The following NPM1 variants were observed in gnomAD, a reference collection of about 807,000 sequenced individuals.
NPM1 encodes nucleophosmin 1.
A neutral mutation model predicts 44.1 loss-of-function variants in NPM1; 1 was observed. The ratio of observed to expected loss-of-function variants is 0.02; its 90% CI spans 0.01 to 0.11. The LOEUF (loss-of-function observed/expected upper bound fraction) is 0.11, where lower values mean the gene tolerates loss of function less well. Among genes scored for constraint, NPM1 ranks in the 10% least tolerant of loss-of-function variants. NPM1 has a pLI of 1.00. For synonymous variants in NPM1, 126 were observed against 111.8 expected (o/e 1.13, Z -0.80); for missense variants, 197 against 347.8 (o/e 0.57, Z 3.45).
intron 2 of NPM1, among the ~76,000 whole-genome samples, chr5:171,390,701 T>C (rs1770527931): frequency 6.6e-6 from 1 of 150,544 alleles, no homozygotes; most frequent in South Asian, 2.1e-4. Flanking sequence ...AAGATTATTA[T>C]ACCTTATTTT....
chr5:171,394,041 C>CTTTTTTTTTTTTTT (rs144186175), intron 6 of NPM1, among the ~76,000 whole-genome samples: 12 of 97,072 alleles, frequency 1.2e-4, no homozygotes, highest in Non-Finnish European at 1.7e-4. Flanking sequence ...TTTTTGTTTT[C>CTTTTTTTTTTTTTT]TTTTTTTTTT....
At chr5:171,391,282 T>A (rs2113167321) in intron 2 of NPM1, 23 bp from the exon 3 acceptor site, 2 of 1,603,912 alleles carry the variant, frequency 1.2e-6, no homozygotes, top group Middle Eastern at 1.7e-4. Context: ...AAAGTTGAAG[T>A]AGTATTTTTT....
chr5:171,392,188 G>A (rs770126975), intron 4 of NPM1, among the ~76,000 whole-genome samples: 32 of 152,254 alleles, frequency 2.1e-4, no homozygotes, highest in African/African-American at 7.2e-4. Context: ...TGATCTGCAC[G>A]CCCTGGCCTC....
intron 10 of NPM1, among the ~76,000 whole-genome samples, chr5:171,409,279 G>A (rs572087454): frequency 6.6e-5 from 10 of 152,266 alleles, no homozygotes; most frequent in South Asian, 4.1e-4. Flanking sequence ...TGCAAGCAAC[G>A]ACAATGTATA....
At chr5:171,400,294 A>G (rs1260086233) in intron 7 of NPM1, 84 bp downstream of exon 7, 2 of 978,984 alleles carry the variant, frequency 2.0e-6, no homozygotes, top group Non-Finnish European at 2.8e-6. Context: ...TTTGTAGTTA[A>G]GGGAAGCTGG....
intron 4 of NPM1, among the ~76,000 whole-genome samples, 180 bp downstream of exon 4, chr5:171,391,979 T>C (rs1028538304): frequency 1.3e-5 from 2 of 151,568 alleles, no homozygotes; most frequent in African/African-American, 2.4e-5. Flanking sequence ...GAAATCTTGC[T>C]GTCACCCAGG....
chr5:171,395,802 G>C (rs1770849968), intron 6 of NPM1, among the ~76,000 whole-genome samples: 1 of 152,122 alleles, frequency 6.6e-6, no homozygotes. Context: ...GATGGAATGG[G>C]TATATGGTGT....
Position 171,387,894 on chromosome 5 carries a change from G to T in NPM1, c.-55G>T. ...TCCTGCGCGGTTGTTCTCTGGAGCA[G>T]CGTTCTTTTATCTCCGTCCGCCTTC... On this transcript the variant is annotated 5_prime_UTR_variant, in exon 1 of 11. Coordinates refer to ENST00000296930, the MANE Select transcript of NPM1 (RefSeq NM_002520.7). 1 of 1,547,934 alleles carries T rather than the reference G, an allele frequency of 6.5e-7. No homozygotes were observed. Among genetic ancestry groups the T allele is most frequent in the Non-Finnish European group, 8.9e-7 (1 of 1,121,920 alleles).
intron 6 of NPM1, among the ~76,000 whole-genome samples, chr5:171,397,949 G>A (rs553105700): frequency 6.8e-6 from 1 of 147,334 alleles, no homozygotes; most frequent in Non-Finnish European, 1.5e-5. Context: ...CCCCCACCAC[G>A]CCCGGCTAAT....
Position 171,407,700 on chromosome 5 carries a change from G to T in NPM1, c.772G>T (p.Gly258Cys). ...TGTAATAATGCTTTTGTCTTAATAG[G>T]GTGGTTCTCTTCCCAAAGTGGAAGC... ...KAKMQASIEK[G>C]GSLPKVEAKF... The change falls in exon 10 of 11, where the codon GGT (glycine) becomes TGT (cysteine). Residue 258 changes from glycine (G) to cysteine (C), a missense_variant and splice_region_variant. Physicochemically the swap from Gly to Cys is radical, Grantham distance 159. This residue lies in a region of NPM1 where 47 missense variants were observed against 106.5 expected (regional missense o/e 0.44). Coordinates refer to ENST00000296930, the MANE Select transcript of NPM1 (RefSeq NM_002520.7). The T allele has an allele frequency of 6.3e-7, 1 of 1,581,402 alleles. No individual in the cohort carries two copies. The highest frequency in any genetic ancestry group is 8.7e-7 in the Non-Finnish European group (1 of 1,150,864).
intron 6 of NPM1, among the ~76,000 whole-genome samples, chr5:171,399,155 T>G (rs1013853671): frequency 2.6e-5 from 4 of 152,208 alleles, no homozygotes; most frequent in African/African-American, 9.6e-5. Context: ...CTTGGCCCCT[T>G]TGTAGGTCTT....
intron 8 of NPM1, among the ~76,000 whole-genome samples, chr5:171,403,660 G>T (rs1463150110): frequency 2.2e-5 from 3 of 133,522 alleles, no homozygotes; most frequent in African/African-American, 9.1e-5. Flanking sequence ...CCTCCCTCCC[G>T]GACGGGGCGG....
In NPM1 at chr5:171,390,145, A is replaced by C. The variant is rs1770496641; in HGVS notation, c.138+15A>C. 3 of 1,400,646 alleles carry C rather than the reference A, an allele frequency of 2.1e-6. No individual in the cohort carries two copies. Among genetic ancestry groups the C allele is most frequent in the Non-Finnish European group, 2.0e-6 (2 of 1,016,256 alleles). 86.8% of individuals were successfully genotyped at this position (1,400,646 alleles called of 1,614,324 possible). A position where few individuals can be genotyped will look rare whatever the true frequency, so the allele number is the denominator to read the frequency against. On this transcript the variant is annotated intron_variant, in intron 2 of 10. Coordinates refer to ENST00000296930, the MANE Select transcript of NPM1 (RefSeq NM_002520.7). ...CTTTAAGAACGGTACTTAAACTTTC[A>C]AAATAAACTACTTAACCCTACTTGA...
At chr5:171,392,636 T>A in intron 4 of NPM1, 74 bp from the exon 5 acceptor site, 1 of 894,404 alleles carries the variant, frequency 1.1e-6, no homozygotes, top group Non-Finnish European at 1.7e-6. Context: ...TTTAGAGTAT[T>A]TACTATCAGT....
chr5:171,403,676 C>T (rs1242783697), intron 8 of NPM1, among the ~76,000 whole-genome samples: 1 of 145,764 alleles, frequency 6.9e-6, no homozygotes. Context: ...GGCGGCTGGC[C>T]AGGCGGGGGG....
intron 10 of NPM1, among the ~76,000 whole-genome samples, chr5:171,408,830 C>T (rs1026843899): frequency 6.6e-6 from 1 of 152,088 alleles, no homozygotes; most frequent in African/African-American, 2.4e-5. Flanking sequence ...GTACTAACAG[C>T]TAAGCAGCAT....
intron 8 of NPM1, among the ~76,000 whole-genome samples, chr5:171,403,669 G>A (rs1362891378): frequency 1.4e-5 from 2 of 144,186 alleles, no homozygotes; most frequent in South Asian, 2.3e-4. Flanking sequence ...CGGACGGGGC[G>A]GCTGGCCAGG....
chr5:171,410,254 G>T (rs1296713142), intron 10 of NPM1, among the ~76,000 whole-genome samples: 1 of 152,188 alleles, frequency 6.6e-6, no homozygotes, highest in Non-Finnish European at 1.5e-5. Context: ...GGCCATATGG[G>T]TCTCTGTTCT....
chr5:171,407,936 T>C (rs1261539947), intron 10 of NPM1, among the ~76,000 whole-genome samples, 162 bp downstream of exon 10: 2 of 152,230 alleles, frequency 1.3e-5, no homozygotes, highest in East Asian at 3.8e-4. Context: ...TTTAATGAAA[T>C]GCATGAAGAA....
Sources: allele counts gnomAD v4.1 joint callset (sites outside exome capture counted in the v4.1 genomes callset), GRCh38; gene constraint gnomAD v4.1.1; regional missense constraint gnomAD v4.1.1; transcripts MANE v1.5; gene names NCBI Gene and HGNC (gene_info 2026-07-23, HGNC 2026-07-21).